Variants in COX10 observed in about 807,000 individuals in gnomAD.
COX10 encodes protoheme IX farnesyltransferase, mitochondrial.
A neutral mutation model predicts 37.3 loss-of-function variants in COX10; 27 were observed. That is an observed-to-expected ratio of 0.72 (90% confidence interval 0.53 to 1.00). The LOEUF (loss-of-function observed/expected upper bound fraction) is 1.00, where lower values mean the gene tolerates loss of function less well. Ranked by LOEUF, COX10 falls within the 50% of genes least tolerant of loss-of-function variation. The pLI, the probability that COX10 is intolerant of heterozygous loss-of-function variation, is 0.00. For synonymous variants in COX10, 222 were observed against 229.1 expected (o/e 0.97, Z 0.28); for missense variants, 475 against 563.2 (o/e 0.84, Z 1.59).
At chr17:14,080,609 C>A (rs752006487) in intron 3 of COX10, among the ~76,000 whole-genome samples, 1 of 152,090 alleles carries the variant, frequency 6.6e-6, no homozygotes, top group Non-Finnish European at 1.5e-5. Context: ...GTTTTGTATG[C>A]GTTTTCATTA....
intron 4 of COX10, among the ~76,000 whole-genome samples, chr17:14,148,768 T>G (rs1204886408): frequency 3.9e-5 from 6 of 152,124 alleles, no homozygotes; most frequent in African/African-American, 1.4e-4. Context: ...CTGTGGTATT[T>G]CTATCCATTT....
intron 6 of COX10, among the ~76,000 whole-genome samples, chr17:14,205,908 G>C (rs1042732652): frequency 6.6e-6 from 1 of 152,172 alleles, no homozygotes; most frequent in Non-Finnish European, 1.5e-5. Flanking sequence ...GTGGGTGCTG[G>C]GGAGACTGTT....
intron 3 of COX10, among the ~76,000 whole-genome samples, chr17:14,094,553 GT>G (rs11289862): frequency 0.22 from 33,431 of 152,012 alleles, 3,955 homozygotes; most frequent in Non-Finnish European, 0.26. Flanking sequence ...GCAAATGTAA[GT>G]TTTGTTTTTA....
chr17:14,111,060 T>C (rs2142206235), intron 4 of COX10, among the ~76,000 whole-genome samples: 1 of 152,218 alleles, frequency 6.6e-6, no homozygotes. Flanking sequence ...TAACCCAGAC[T>C]ACCTTTTGAG....
At chr17:14,069,794 A>C in intron 1 of COX10, 146 bp downstream of exon 1, 1 of 928,540 alleles carries the variant, frequency 1.1e-6, no homozygotes, top group Middle Eastern at 2.5e-4. Context: ...TGACCTCTGG[A>C]GTAGCTTGGA....
At chr17:14,198,193 T>A (rs1597548076) in intron 6 of COX10, among the ~76,000 whole-genome samples, 1 of 151,854 alleles carries the variant, frequency 6.6e-6, no homozygotes, top group East Asian at 1.9e-4. Flanking sequence ...GGTGAAGGAG[T>A]CCACTCTGAG....
At chr17:14,107,937 A>G (rs1915933040) in intron 4 of COX10, among the ~76,000 whole-genome samples, 1 of 152,176 alleles carries the variant, frequency 6.6e-6, no homozygotes, top group South Asian at 2.1e-4. Flanking sequence ...TCTGTTGGTC[A>G]TAGTTCTGCT....
chr17:14,170,759 G>A (rs11651047), intron 5 of COX10, among the ~76,000 whole-genome samples: 20,062 of 152,142 alleles, frequency 0.13, 1,660 homozygotes, highest in Non-Finnish European at 0.19. Context: ...GGAGGTTACA[G>A]TGAGCTATGA....
chr17:14,200,662 G>T (rs1237294452), intron 6 of COX10, among the ~76,000 whole-genome samples: 1 of 152,222 alleles, frequency 6.6e-6, no homozygotes, highest in East Asian at 1.9e-4. Context: ...CATGTCTACA[G>T]ATATGCCACC....
At chr17:14,107,630 A>C (rs1483653433) in intron 4 of COX10, among the ~76,000 whole-genome samples, 1 of 151,374 alleles carries the variant, frequency 6.6e-6, no homozygotes, top group African/African-American at 2.4e-5. Flanking sequence ...CCCTCTTTGT[A>C]GCTACATCTT....
At chr17:14,124,321 A>C (rs1916289210) in intron 4 of COX10, among the ~76,000 whole-genome samples, 1 of 152,162 alleles carries the variant, frequency 6.6e-6, no homozygotes, top group Admixed American at 6.6e-5. Context: ...CATTTTATCA[A>C]AGATAGGGAA....
chr17:14,141,779 G>T (rs532497574), intron 4 of COX10, among the ~76,000 whole-genome samples: 2 of 152,116 alleles, frequency 1.3e-5, no homozygotes, highest in African/African-American at 4.8e-5. Flanking sequence ...TATGAATTCT[G>T]TTGTTGTGGT....
chr17:14,178,940 G>T (rs1905770631), intron 5 of COX10, among the ~76,000 whole-genome samples: 1 of 152,216 alleles, frequency 6.6e-6, no homozygotes, highest in South Asian at 2.1e-4. Context: ...CTAAGGCAAA[G>T]GGAAGGATCC....
At position 14,166,785 on chromosome 17, in the gene COX10, CTT is replaced by C. The variant is rs57127092; in HGVS notation, c.695+6859_695+6860del. ...TGCCACCACGCCTGGCTATTTCTTT[CTT>C]TTTTTTTTTTTTTTTTTTTTGTATT... On this transcript the variant is annotated intron_variant, in intron 5 of 6. Transcript: ENST00000261643. 9.4e-3 allele frequency among the ~76,000 whole-genome samples: 939 copies of C among 100,234 alleles called. 4 individuals carry two copies. Among genetic ancestry groups the C allele is most frequent in the Middle Eastern group, 0.045 (6 of 134 alleles). 65.8% of individuals were successfully genotyped at this position (100,234 alleles called of 152,430 possible).
chr17:14,153,644 A>G (rs1400072513), intron 4 of COX10, among the ~76,000 whole-genome samples: 2 of 152,198 alleles, frequency 1.3e-5, no homozygotes, highest in African/African-American at 4.8e-5. Context: ...GAACTTTCAT[A>G]TACTGCTGTG....
At chr17:14,120,246 G>A (rs1231180603) in intron 4 of COX10, among the ~76,000 whole-genome samples, 1 of 152,158 alleles carries the variant, frequency 6.6e-6, no homozygotes, top group Non-Finnish European at 1.5e-5. Context: ...GAGACATCAA[G>A]TGGATAGATG....
At chr17:14,202,557 C>T (rs10521264) in intron 6 of COX10, among the ~76,000 whole-genome samples, 19,606 of 151,972 alleles carry the variant, frequency 0.13, 2,267 homozygotes, top group African/African-American at 0.3. Context: ...TGTAAGGATT[C>T]GAAAGCATAT....
chr17:14,157,975 T>C (rs1317472889), intron 4 of COX10, among the ~76,000 whole-genome samples: 2 of 152,096 alleles, frequency 1.3e-5, no homozygotes, highest in East Asian at 3.9e-4. Flanking sequence ...TCATTATTGG[T>C]ATGTGGTTTT....
intron 4 of COX10, among the ~76,000 whole-genome samples, chr17:14,130,076 AC>A (rs1916429909): frequency 6.6e-6 from 1 of 152,198 alleles, no homozygotes. Flanking sequence ...TGGAGTTTCA[AC>A]AAAAATTAAG....
Sources: gnomAD v4.1 joint callset for allele counts (sites outside exome capture counted in the v4.1 genomes callset) on GRCh38, gnomAD v4.1.1 for gene constraint, MANE v1.5 for transcripts, NCBI Gene and HGNC (gene_info 2026-07-23, HGNC 2026-07-21) for gene names.